The following ATP9B variants were observed in gnomAD, a reference collection of about 807,000 sequenced individuals.
ATP9B encodes probable phospholipid-transporting ATPase IIB.
ATP9B carries 110 observed loss-of-function variants against 146.1 expected under a neutral mutation model. The ratio of observed to expected loss-of-function variants is 0.75; its 90% CI spans 0.65 to 0.88. The LOEUF is 0.88. Ranked by LOEUF, ATP9B falls within the 40% of genes least tolerant of loss-of-function variation. ATP9B has a pLI of 0.00. For synonymous variants in ATP9B, 604 were observed against 569.7 expected (o/e 1.06, Z -0.86); for missense variants, 1,499 against 1,496.4 (o/e 1.00, Z -0.03).
intron 15 of ATP9B, among the ~76,000 whole-genome samples, chr18:79,310,229 G>A (rs73003806): frequency 0.2 from 30,781 of 152,198 alleles, 3,896 homozygotes; most frequent in East Asian, 0.52. Context: ...ATGAGGAGGC[G>A]GAGCTGGCGT....
intron 2 of ATP9B, among the ~76,000 whole-genome samples, chr18:79,097,620 G>A (rs2074913181): frequency 7.5e-6 from 1 of 134,194 alleles, no homozygotes; most frequent in African/African-American, 2.9e-5. Flanking sequence ...GTGAGAATAT[G>A]CGGTATTTGG....
intron 7 of ATP9B, chr18:79,174,053 C>G (rs1177615600): frequency 1.3e-5 from 4 of 311,276 alleles, no homozygotes; most frequent in South Asian, 2.6e-5. Context: ...ACTTTTCCTC[C>G]TCTTGTAGAA....
intron 7 of ATP9B, among the ~76,000 whole-genome samples, chr18:79,167,268 A>G (rs1207794462): frequency 6.6e-6 from 1 of 152,170 alleles, no homozygotes; most frequent in Non-Finnish European, 1.5e-5. Flanking sequence ...CTTGTCCGGC[A>G]TCCAGGAAGA....
intron 11 of ATP9B, among the ~76,000 whole-genome samples, chr18:79,246,346 G>C (rs544342475): frequency 2.0e-4 from 31 of 151,546 alleles, no homozygotes; most frequent in African/African-American, 7.5e-4. Context: ...TGACTGTGCG[G>C]AGGGCACCGC....
chr18:79,117,241 T>G (rs930990407), intron 4 of ATP9B: 3 of 152,228 alleles, frequency 2.0e-5, no homozygotes, highest in Non-Finnish European at 2.9e-5. Context: ...CTAGGTAATG[T>G]TGATACAACA....
intron 4 of ATP9B, among the ~76,000 whole-genome samples, chr18:79,120,862 T>A (rs902823332): frequency 2.6e-5 from 4 of 152,210 alleles, no homozygotes; most frequent in African/African-American, 9.6e-5. Context: ...CAGTCTTATT[T>A]AAAAATCTTC....
chr18:79,347,458 A>G (rs2096896277), intron 23 of ATP9B, among the ~76,000 whole-genome samples: 1 of 152,202 alleles, frequency 6.6e-6, no homozygotes, highest in Non-Finnish European at 1.5e-5. Flanking sequence ...GCCCACACTC[A>G]GATCACAAGG....
chr18:79,289,840 C>G (rs1405154647), intron 13 of ATP9B, among the ~76,000 whole-genome samples: 2 of 152,192 alleles, frequency 1.3e-5, no homozygotes, highest in Non-Finnish European at 2.9e-5. Context: ...AGACAGGACC[C>G]TCAGCTGCAG....
chr18:79,355,571 T>G (rs1254299469), intron 25 of ATP9B, among the ~76,000 whole-genome samples: 2 of 151,884 alleles, frequency 1.3e-5, no homozygotes, highest in African/African-American at 4.8e-5. Context: ...GAGAGAAAAC[T>G]GACTGAAAAA....
At chr18:79,188,478 C>T (rs757726595) in intron 8 of ATP9B, among the ~76,000 whole-genome samples, 7 of 152,118 alleles carry the variant, frequency 4.6e-5, no homozygotes, top group Non-Finnish European at 1.0e-4. Flanking sequence ...CAGACTTTTC[C>T]ACTCTCCTTT....
At chr18:79,287,465 T>C (rs1287919852) in intron 13 of ATP9B, among the ~76,000 whole-genome samples, 1 of 152,056 alleles carries the variant, frequency 6.6e-6, no homozygotes, top group Non-Finnish European at 1.5e-5. Flanking sequence ...GGTGGTGATA[T>C]CCTCTATCAT....
chr18:79,078,078 T>G (rs1033891455), intron 1 of ATP9B: 2 of 152,398 alleles, frequency 1.3e-5, no homozygotes, highest in Non-Finnish European at 2.9e-5. Flanking sequence ...TGACACCACC[T>G]GGGCAATGGG....
chr18:79,077,693 G>A (rs373281002), intron 1 of ATP9B, among the ~76,000 whole-genome samples: 13 of 152,184 alleles, frequency 8.5e-5, no homozygotes, highest in Admixed American at 2.0e-4. Context: ...ATTAAAAACA[G>A]ACCAGTTTCC....
At position 79,342,297 on chromosome 18, in the gene ATP9B, G is replaced by A. The variant is rs201972599; in HGVS notation, c.2313G>A (p.Glu771=). 116 of 1,613,548 alleles carry A rather than the reference G, an allele frequency of 7.2e-5. No homozygotes were observed. The highest frequency in any genetic ancestry group is 1.6e-4 in the Middle Eastern group (1 of 6,082). ...GGATGCTAACAGGCGATAAACTCGAGACAGCTACCTGCATTGCCAAAAGTT... is the reference window on the plus strand; with the variant it reads ...GGATGCTAACAGGCGATAAACTCGAAACAGCTACCTGCATTGCCAAAAGTT... The part of the protein sequence containing the change: ...KIWMLTGDKL[E]TATCIAKSSH... The change falls in exon 20 of 30, where the codon GAG becomes GAA. Residue 771 remains glutamate, a synonymous_variant. Coordinates refer to ENST00000426216, the MANE Select transcript of ATP9B (RefSeq NM_198531.5).
At chr18:79,242,114 G>T (rs1210414697) in intron 11 of ATP9B, among the ~76,000 whole-genome samples, 3 of 152,212 alleles carry the variant, frequency 2.0e-5, no homozygotes, top group Non-Finnish European at 4.4e-5. Flanking sequence ...TGACCATTTT[G>T]CGAGGGTTAT....
chr18:79,149,727 T>G (rs992885947), intron 6 of ATP9B, among the ~76,000 whole-genome samples: 4 of 151,036 alleles, frequency 2.6e-5, no homozygotes, highest in Non-Finnish European at 5.9e-5. Flanking sequence ...AAAAAAAAAT[T>G]TGAAATTAGA....
chr18:79,081,715 A>G (rs185985595), intron 1 of ATP9B, among the ~76,000 whole-genome samples: 1 of 151,314 alleles, frequency 6.6e-6, no homozygotes, highest in African/African-American at 2.4e-5. Flanking sequence ...AAAATTCTTT[A>G]AGAATGTTGA....
At chr18:79,200,757 G>GGGAACTGTCAGGGTCAGAGCAGAGGTGGA (rs1568388738) in intron 9 of ATP9B, among the ~76,000 whole-genome samples, 1 of 152,258 alleles carries the variant, frequency 6.6e-6, no homozygotes, top group Non-Finnish European at 1.5e-5. Context: ...AGGTGGAGGT[G>GGGAACTGTCAGGGTCAGAGCAGAGGTGGA]GGAACGTTGG....
At chr18:79,102,649 C>G (rs2075364651) in intron 2 of ATP9B, among the ~76,000 whole-genome samples, 1 of 152,122 alleles carries the variant, frequency 6.6e-6, no homozygotes, top group Non-Finnish European at 1.5e-5. Context: ...TTAGAATAAT[C>G]TTGTTCATAT....
Sources: allele counts gnomAD v4.1 joint callset (sites outside exome capture counted in the v4.1 genomes callset), GRCh38; gene constraint gnomAD v4.1.1; transcripts MANE v1.5; gene names NCBI Gene and HGNC (gene_info 2026-07-23, HGNC 2026-07-21).